Variants in RARA observed in about 807,000 individuals in gnomAD.
The protein encoded by RARA is retinoic acid receptor alpha, also known as PML-DDX5-RARA fusion.
A neutral mutation model predicts 42.8 loss-of-function variants in RARA; 5 were observed. The ratio of observed to expected loss-of-function variants is 0.12; its 90% confidence interval spans 0.06 to 0.25. The LOEUF (loss-of-function observed/expected upper bound fraction) is 0.25. Ranked by LOEUF, RARA falls within the 10% of genes least tolerant of loss-of-function variation. RARA has a pLI of 1.00. For synonymous variants in RARA, 256 were observed against 259.5 expected (o/e 0.99, Z 0.13); for missense variants, 402 against 628.7 (o/e 0.64, Z 3.86).
Position 40,341,742 on chromosome 17 carries a change from C to T in RARA, c.179-6574C>T, listed in dbSNP as rs946783645. The stretch of plus-strand genomic sequence containing the variant: ...GTTAAGGGGAGGACACCGGGACCAC[C>T]CCCCTCTTCCCCGCCCCACCACCTC... On this transcript the variant is annotated intron_variant, in intron 2 of 8. Coordinates refer to ENST00000254066, the MANE Select transcript of RARA (RefSeq NM_000964.4). 3.1e-6 allele frequency: 4 copies of T among 1,294,766 alleles called. No homozygotes were observed. In the African/African-American group the frequency reaches 4.6e-5, roughly 15 times the overall value. The allele number at this position is 1,294,766 out of a possible 1,614,324, so 80.2% of individuals were successfully genotyped here. A position where few individuals can be genotyped will look rare whatever the true frequency, so the allele number is the denominator to read the frequency against.
chr17:40,356,876 G>A lies in RARA; in HGVS notation c.*650G>A, dbSNP rs1396960355. On this transcript the variant is annotated 3_prime_UTR_variant, in exon 9 of 9. Coordinates refer to ENST00000254066, the MANE Select transcript of RARA (RefSeq NM_000964.4). Reference sequence around the variant, plus strand: ...AGGGGGTGGGTCCGGGGGAGGGAGTGGCTCGGAAGGGGCCCCCACTCTCCT... The same window carrying A: ...AGGGGGTGGGTCCGGGGGAGGGAGTAGCTCGGAAGGGGCCCCCACTCTCCT... The A allele has an allele frequency of 6.4e-5, 27 of 418,886 alleles. No individual in the cohort carries two copies. Among genetic ancestry groups the A allele is most frequent in the East Asian group, 4.6e-5 (1 of 21,880 alleles). The allele number at this position is 418,886 out of a possible 1,614,324, so 25.9% of individuals were successfully genotyped here.
intron 2 of RARA, chr17:40,341,943 C>A: frequency 8.8e-7 from 1 of 1,139,456 alleles, no homozygotes; most frequent in Non-Finnish European, 1.1e-6. Context: ...TGGAGCCTTT[C>A]CCCCTTCCTG....
Position 40,356,150 on chromosome 17 carries a change from C to G in RARA, c.1313C>G (p.Ala438Gly), listed in dbSNP as rs950687847. ...GGGGGGCGGGACGGGGGTGGCCTGG[C>G]CCCCCCGCCAGGCAGCTGTAGCCCC... ...GGGGRDGGGL[A>G]PPPGSCSPSL... is the part of the protein sequence containing the mutation. Residue 438 changes from alanine (A) to glycine (G), a missense_variant, in exon 9 of 9, where the codon GCC (alanine) becomes GGC (glycine). This residue lies in a region of RARA where 73 missense variants were observed against 59.8 expected (regional missense o/e 1.22). Transcript: ENST00000254066. The G allele has an allele frequency of 3.9e-6, 6 of 1,551,838 alleles. No individual in the cohort carries two copies. Among genetic ancestry groups the G allele is most frequent in the Non-Finnish European group, 5.2e-6 (6 of 1,147,370 alleles).
chr17:40,342,476 C>A lies in RARA; in HGVS notation c.179-5840C>A, dbSNP rs181948756. 3.7e-4 allele frequency: 460 copies of A among 1,246,514 alleles called. 4 individuals carry two copies. In the Admixed American group the frequency reaches 0.015, roughly 41 times the overall value. 77.2% of individuals were successfully genotyped at this position (1,246,514 alleles called of 1,614,324 possible). A position where few individuals can be genotyped will look rare whatever the true frequency, so the allele number is the denominator to read the frequency against. On this transcript the variant is annotated intron_variant, in intron 2 of 8. Coordinates refer to ENST00000254066, the MANE Select transcript of RARA (RefSeq NM_000964.4). ...TTCCCTGGGAGAGCCGACGGACCCC[C>A]CCTCCCAGCACACACAACTTCCCTG...
chr17:40,351,599 G>A lies in RARA; in HGVS notation c.470-311G>A, dbSNP rs1485425582. ...GCAGAGCACCTAGGAGGGCACCGTC[G>A]CCTGGAGTGTGAGCTGGAGTAGACG... On this transcript the variant is annotated intron_variant, in intron 4 of 8. Transcript: ENST00000254066. This position sits in a 1 kb window ranked among gnomAD's most constrained non-coding sequence, Gnocchi z 4.1. The A allele has an allele frequency of 2.1e-5, 10 of 482,690 alleles. No individual in the cohort carries two copies. Among genetic ancestry groups the A allele is most frequent in the East Asian group, 1.4e-4 (3 of 21,502 alleles). The allele number at this position is 482,690 out of a possible 1,614,324, so 29.9% of individuals were successfully genotyped here. A position where few individuals can be genotyped will look rare whatever the true frequency, so the allele number is the denominator to read the frequency against.
intron 4 of RARA, among the ~76,000 whole-genome samples, chr17:40,350,741 G>A (rs1346938798): frequency 6.6e-6 from 1 of 151,984 alleles, no homozygotes; most frequent in African/African-American, 2.4e-5. Context: ...ACTGTTGCAC[G>A]AAGAGCCCCA....
intron 2 of RARA, among the ~76,000 whole-genome samples, chr17:40,344,636 T>C (rs2034192830): frequency 1.3e-5 from 2 of 152,192 alleles, no homozygotes; most frequent in South Asian, 4.1e-4. Flanking sequence ...CCACTGGACA[T>C]GGGGAAGTGG....
At chr17:40,348,211 T>C in intron 2 of RARA, 105 bp from the exon 3 acceptor site, 1 of 1,343,376 alleles carries the variant, frequency 7.4e-7, no homozygotes, top group Non-Finnish European at 9.9e-7. Flanking sequence ...CCAGCAGTGG[T>C]GAGGCTGGGA....
At chr17:40,312,057 G>A (rs1567741587) in intron 1 of RARA, among the ~76,000 whole-genome samples, 1 of 152,220 alleles carries the variant, frequency 6.6e-6, no homozygotes, top group Non-Finnish European at 1.5e-5. Flanking sequence ...ACATAATTGA[G>A]GCTGGGGCAC....
Position 40,352,883 on chromosome 17 carries a change from A to C in RARA, c.807+376A>C, listed in dbSNP as rs1319233800. 1.3e-5 allele frequency among the ~76,000 whole-genome samples: 2 copies of C among 152,120 alleles called. No individual in the cohort carries two copies. Among genetic ancestry groups the C allele is most frequent in the Non-Finnish European group, 2.9e-5 (2 of 68,012 alleles). On this transcript the variant is annotated intron_variant, in intron 6 of 8. Coordinates refer to ENST00000254066, the MANE Select transcript of RARA (RefSeq NM_000964.4). This position sits in a 1 kb window ranked among gnomAD's most constrained non-coding sequence, Gnocchi z 4.9. ...CACTTGAGGCTGGAAGTTCAAGACCACCCTGGGCAACATAGTGAGACCTTA... is the reference window on the plus strand; with the variant it reads ...CACTTGAGGCTGGAAGTTCAAGACCCCCCTGGGCAACATAGTGAGACCTTA...
At chr17:40,342,079 G>C (rs977195550) in intron 2 of RARA, 27 of 1,058,382 alleles carry the variant, frequency 2.6e-5, no homozygotes, top group Non-Finnish European at 3.1e-5. Flanking sequence ...TAAGCCAGGG[G>C]CGGTGCCTGG....
At chr17:40,322,610 C>T (rs144734337) in intron 1 of RARA, among the ~76,000 whole-genome samples, 1 of 152,260 alleles carries the variant, frequency 6.6e-6, no homozygotes, top group African/African-American at 2.4e-5. Flanking sequence ...CCTCAGCCCT[C>T]CTTCCCTCTG....
rs756956672 is a variant in RARA, at chr17:40,357,336, A to G, written c.*1110A>G. 1.1e-4 allele frequency: 25 copies of G among 229,280 alleles called. No individual in the cohort carries two copies. Among genetic ancestry groups the G allele is most frequent in the Admixed American group, 6.3e-4 (11 of 17,562 alleles). 14.2% of individuals were successfully genotyped at this position (229,280 alleles called of 1,614,324 possible). A position where few individuals can be genotyped will look rare whatever the true frequency, so the allele number is the denominator to read the frequency against. ...AGACACCACACACATGCGCGTGCGC[A>G]CACACACAAACACACACACACTGGA... On this transcript the variant is annotated 3_prime_UTR_variant, in exon 9 of 9. Coordinates refer to ENST00000254066, the MANE Select transcript of RARA (RefSeq NM_000964.4).
chr17:40,352,596 G>C lies in RARA; in HGVS notation c.807+89G>C. The C allele has an allele frequency of 7.9e-7, 1 of 1,261,920 alleles. No homozygotes were observed. Among genetic ancestry groups the C allele is most frequent in the Non-Finnish European group, 1.1e-6 (1 of 935,060 alleles). 78.2% of individuals were successfully genotyped at this position (1,261,920 alleles called of 1,614,324 possible). ...CAGACAGCCACCCTCCTAAATGTCT[G>C]TCTGCAATCAACCTGTCCAAATGCC... On this transcript the variant is annotated intron_variant, in intron 6 of 8. Coordinates refer to ENST00000254066, the MANE Select transcript of RARA (RefSeq NM_000964.4). The surrounding 1 kb of genome is among the most constrained non-coding windows in gnomAD (Gnocchi z 4.9).
intron 6 of RARA, among the ~76,000 whole-genome samples, chr17:40,353,143 G>T (rs754094231): frequency 6.6e-6 from 1 of 152,148 alleles, no homozygotes. Context: ...TGACATCTAG[G>T]GGTTTGTAGA....
rs1214395224 is a variant in RARA at position 40,356,602 on chromosome 17, G to A, written c.*376G>A. The A allele has an allele frequency of 3.7e-6, 2 of 541,634 alleles. No homozygotes were observed. The highest frequency in any genetic ancestry group is 7.1e-6 in the Non-Finnish European group (2 of 281,076). The allele number at this position is 541,634 out of a possible 1,614,324, so 33.6% of individuals were successfully genotyped here. A position where few individuals can be genotyped will look rare whatever the true frequency, so the allele number is the denominator to read the frequency against. On this transcript the variant is annotated 3_prime_UTR_variant, in exon 9 of 9. Coordinates refer to ENST00000254066, the MANE Select transcript of RARA (RefSeq NM_000964.4). ...GCTCCCCCATCCTCAGAACTCACAA[G>A]CCATTGCTCCCCAGCTGGGGAACCT...
intron 2 of RARA, among the ~76,000 whole-genome samples, chr17:40,337,156 G>A (rs1333435897): frequency 6.6e-6 from 1 of 152,262 alleles, no homozygotes; most frequent in Non-Finnish European, 1.5e-5. Flanking sequence ...AGGACACAGT[G>A]CTGGGGGAGG....
At position 40,354,391 on chromosome 17, in the gene RARA, C is replaced by T. The variant is rs745943626; in HGVS notation, c.897C>T (p.Asn299=). 3.7e-5 allele frequency: 60 copies of T among 1,614,110 alleles called. No individual in the cohort carries two copies. Among genetic ancestry groups the T allele is most frequent in the Non-Finnish European group, 2.7e-5 (32 of 1,180,056 alleles). Residue 299 remains asparagine (N), a synonymous_variant, in exon 7 of 9, where the codon AAC becomes AAT. Coordinates refer to ENST00000254066, the MANE Select transcript of RARA (RefSeq NM_000964.4). The surrounding 1 kb of genome is among the most constrained non-coding windows in gnomAD (Gnocchi z 4.5). ...CCCTGAACCGGACCCAGATGCACAACGCTGGCTTCGGCCCCCTCACCGACC... is the reference window on the plus strand; with the variant it reads ...CCCTGAACCGGACCCAGATGCACAATGCTGGCTTCGGCCCCCTCACCGACC... ...GLTLNRTQMH[N]AGFGPLTDLV...
chr17:40,310,494 G>C (rs960626813), intron 1 of RARA, among the ~76,000 whole-genome samples: 2 of 152,118 alleles, frequency 1.3e-5, no homozygotes, highest in African/African-American at 4.8e-5. Flanking sequence ...TGGTAGCTCT[G>C]TCTAGGTGTG....
Sources: allele counts gnomAD v4.1 joint callset (sites outside exome capture counted in the v4.1 genomes callset), GRCh38; gene constraint gnomAD v4.1.1; regional missense constraint gnomAD v4.1.1; non-coding constraint Gnocchi (gnomAD v3.1); transcripts MANE v1.5; gene names NCBI Gene and HGNC (gene_info 2026-07-23, HGNC 2026-07-21).